Variants in TRHDE observed in about 807,000 individuals in gnomAD.
TRHDE encodes thyrotropin-releasing hormone-degrading ectoenzyme.
TRHDE carries 72 observed loss-of-function variants against 125.7 expected under a neutral mutation model. That is an observed-to-expected ratio of 0.57 (90% CI 0.47 to 0.70). The LOEUF is 0.70. Ranked by LOEUF, TRHDE falls within the 30% of genes least tolerant of loss-of-function variation. The pLI, the probability that TRHDE is intolerant of heterozygous loss-of-function variation, is 0.00. For missense variants in TRHDE, 1,110 were observed against 1,327.1 expected (o/e 0.84, Z 2.54); for synonymous variants, 509 against 509.1 (o/e 1.00, Z 0.00).
At chr12:72,648,462 C>T (rs1042934828) in intron 15 of TRHDE, among the ~76,000 whole-genome samples, 3 of 151,988 alleles carry the variant, frequency 2.0e-5, no homozygotes, top group African/African-American at 4.8e-5. Flanking sequence ...TAAAATTGTC[C>T]GTTTGTACAT....
chr12:72,142,675 A>G (rs575517977), intron 2 of TRHDE, among the ~76,000 whole-genome samples: 4 of 152,202 alleles, frequency 2.6e-5, no homozygotes, highest in Admixed American at 1.3e-4. Context: ...GCACCCATAT[A>G]AACCCCCAAA....
intron 3 of TRHDE, among the ~76,000 whole-genome samples, chr12:72,390,953 C>A (rs940995512): frequency 8.6e-5 from 13 of 151,902 alleles, no homozygotes; most frequent in Non-Finnish European, 2.9e-5. Flanking sequence ...ATATAAAAGG[C>A]GAGTCCTCAG....
intron 7 of TRHDE, among the ~76,000 whole-genome samples, chr12:72,560,271 A>G (rs1476231428): frequency 2.6e-5 from 4 of 152,180 alleles, no homozygotes; most frequent in African/African-American, 9.6e-5. Flanking sequence ...TTTTCATTTC[A>G]GCCTGCTTGA....
At chr12:72,463,092 C>T (rs1876203941) in intron 3 of TRHDE, among the ~76,000 whole-genome samples, 1 of 152,198 alleles carries the variant, frequency 6.6e-6, no homozygotes, top group African/African-American at 2.4e-5. Flanking sequence ...GCAAAAATAT[C>T]TTACATTCAA....
At chr12:72,119,582 G>A (rs1013251303) in intron 2 of TRHDE, among the ~76,000 whole-genome samples, 8 of 152,244 alleles carry the variant, frequency 5.3e-5, no homozygotes, top group South Asian at 2.1e-4. Context: ...TAAGTCCAAC[G>A]TTTCTTCATT....
chr12:72,219,806 T>C (rs1303994444), intron 2 of TRHDE, among the ~76,000 whole-genome samples: 3 of 152,148 alleles, frequency 2.0e-5, no homozygotes, highest in African/African-American at 7.2e-5. Context: ...TTGTACCTGA[T>C]GTTGGGAATG....
At chr12:72,459,660 T>C (rs1876031497) in intron 3 of TRHDE, among the ~76,000 whole-genome samples, 2 of 152,242 alleles carry the variant, frequency 1.3e-5, no homozygotes, top group South Asian at 4.1e-4. Flanking sequence ...TCTCACTCTG[T>C]TGCCTAGGCT....
intron 3 of TRHDE, among the ~76,000 whole-genome samples, chr12:72,464,007 C>A (rs1373893375): frequency 3.9e-5 from 6 of 152,142 alleles, no homozygotes; most frequent in Non-Finnish European, 5.9e-5. Context: ...TGAGGGCTGA[C>A]TTTCCCTAGA....
chr12:72,292,262 C>T (rs187601167), intron 2 of TRHDE, among the ~76,000 whole-genome samples: 37 of 152,288 alleles, frequency 2.4e-4, no homozygotes, highest in African/African-American at 8.7e-4. Context: ...ATCCTTAGAC[C>T]ATTTTTGTCC....
At chr12:72,188,581 G>A (rs1459501426) in intron 2 of TRHDE, among the ~76,000 whole-genome samples, 1 of 152,102 alleles carries the variant, frequency 6.6e-6, no homozygotes, top group Admixed American at 6.5e-5. Context: ...AGACTATTGG[G>A]CCCTCTGGTG....
chr12:72,364,889 T>G (rs527753700), intron 2 of TRHDE, among the ~76,000 whole-genome samples: 11 of 152,096 alleles, frequency 7.2e-5, no homozygotes, highest in Non-Finnish European at 1.0e-4. Flanking sequence ...AGGCGTAAAA[T>G]AGATAGCTTA....
chr12:72,225,988 A>G (rs1878121024), intron 2 of TRHDE, among the ~76,000 whole-genome samples: 2 of 152,234 alleles, frequency 1.3e-5, no homozygotes, highest in African/African-American at 4.8e-5. Flanking sequence ...ATATTTGTCT[A>G]GGTGTCAGCA....
At chr12:72,487,479 T>A (rs574941867) in intron 5 of TRHDE, among the ~76,000 whole-genome samples, 8 of 152,252 alleles carry the variant, frequency 5.3e-5, no homozygotes, top group Admixed American at 2.6e-4. Flanking sequence ...AAGAACGGGA[T>A]GATATTTTCA....
chr12:72,469,643 A>C (rs1415799347), intron 3 of TRHDE, 115 bp from the exon 4 acceptor site: 1 of 1,174,370 alleles, frequency 8.5e-7, no homozygotes. Context: ...CAAAAAAATC[A>C]CTAAGTAAAA....
chr12:72,210,251 C>A (rs115802696), intron 2 of TRHDE, among the ~76,000 whole-genome samples: 196 of 151,762 alleles, frequency 1.3e-3, no homozygotes, highest in African/African-American at 4.4e-3. Flanking sequence ...GTGTGTGTAC[C>A]TTTAGCATAT....
At chr12:72,118,008 C>T (rs1291232388) in intron 2 of TRHDE, among the ~76,000 whole-genome samples, 1 of 151,840 alleles carries the variant, frequency 6.6e-6, no homozygotes, top group Non-Finnish European at 1.5e-5. Flanking sequence ...AAGATCGTAT[C>T]ATCTGTAAAC....
rs1873644018 is a variant in TRHDE, at chr12:72,414,433, A to C, written c.1315+36312A>C. On this transcript the variant is annotated intron_variant, in intron 3 of 18. Coordinates refer to ENST00000261180, the MANE Select transcript of TRHDE (RefSeq NM_013381.3). ...TGCTTCTTTACATAGAATTAGAAGAAAAATAAAGAAAGAAGGATTAAAAAG... is the reference window on the plus strand; with the variant it reads ...TGCTTCTTTACATAGAATTAGAAGACAAATAAAGAAAGAAGGATTAAAAAG... 1.3e-5 allele frequency among the ~76,000 whole-genome samples: 2 copies of C among 152,122 alleles called. 1 individual carries two copies. The highest frequency in any genetic ancestry group is 4.1e-4 in the South Asian group (2 of 4,830).
intron 6 of TRHDE, among the ~76,000 whole-genome samples, chr12:72,508,518 TCTCC>T (rs1169998726): frequency 6.6e-6 from 1 of 152,304 alleles, no homozygotes; most frequent in African/African-American, 2.4e-5. Context: ...TCAGCCAATT[TCTCC>T]CTTTTGGAAT....
chr12:72,189,055 T>C (rs1297096073), intron 2 of TRHDE, among the ~76,000 whole-genome samples: 1 of 152,206 alleles, frequency 6.6e-6, no homozygotes, highest in Admixed American at 6.5e-5. Flanking sequence ...CCCTAAAATC[T>C]TGGTAGGCAG....
Sources: allele counts gnomAD v4.1 joint callset (sites outside exome capture counted in the v4.1 genomes callset), GRCh38; gene constraint gnomAD v4.1.1; transcripts MANE v1.5; gene names NCBI Gene and HGNC (gene_info 2026-07-23, HGNC 2026-07-21).